The following UNC13C variants were observed in gnomAD, a reference collection of about 807,000 sequenced individuals.
The protein encoded by UNC13C is protein unc-13 homolog C.
A neutral mutation model predicts 245.4 loss-of-function variants in UNC13C; 174 were observed. That is an observed-to-expected ratio of 0.71 (90% CI 0.63 to 0.80). UNC13C has a LOEUF of 0.80. Among genes scored for constraint, UNC13C ranks in the 30% least tolerant of loss-of-function variants. UNC13C has a pLI of 0.00. For synonymous variants in UNC13C, 992 were observed against 895.1 expected (o/e 1.11, Z -1.93); for missense variants, 2,829 against 2,602.9 (o/e 1.09, Z -1.89).
At chr15:54,140,767 C>G (rs8032180) in intron 2 of UNC13C, among the ~76,000 whole-genome samples, 55,518 of 152,176 alleles carry the variant, frequency 0.36, 11,367 homozygotes, top group Non-Finnish European at 0.47. Flanking sequence ...GTGATGAGAT[C>G]GCATTTCACA....
chr15:54,300,548 G>A (rs563082855), intron 13 of UNC13C, among the ~76,000 whole-genome samples, 175 bp downstream of exon 13: 4 of 152,222 alleles, frequency 2.6e-5, no homozygotes, highest in South Asian at 2.1e-4. Flanking sequence ...TAATGACTTG[G>A]TAATTCACTA....
At chr15:53,926,101 A>G in the UNC13C span, among the ~76,000 whole-genome samples, 1 of 151,924 alleles carries the variant, frequency 6.6e-6, no homozygotes, top group Admixed American at 6.5e-5. Flanking sequence ...AAACAAGATG[A>G]TTTAGTTTTT....
chr15:53,964,403 T>G, the UNC13C span, among the ~76,000 whole-genome samples: 1 of 152,172 alleles, frequency 6.6e-6, no homozygotes, highest in Non-Finnish European at 1.5e-5. Context: ...AACACTATAT[T>G]TTTACAGCTA....
chr15:54,307,608 G>C (rs958194281), intron 13 of UNC13C, among the ~76,000 whole-genome samples: 1 of 151,930 alleles, frequency 6.6e-6, no homozygotes, highest in Non-Finnish European at 1.5e-5. Flanking sequence ...GGCTATAAGG[G>C]CATAGGTATA....
the UNC13C span, among the ~76,000 whole-genome samples, chr15:53,970,953 A>G: frequency 6.6e-6 from 1 of 152,130 alleles, no homozygotes; most frequent in African/African-American, 2.4e-5. Flanking sequence ...CATAGTAGCT[A>G]CACCATTTTT....
rs77840250 is a variant in UNC13C at position 54,284,153 on chromosome 15, G to A, written c.3819-9742G>A. ...TAAATTTTTAGAAAGAACACATATC[G>A]CCACTTAAATAAAAGTCAGATTTGG... On this transcript the variant is annotated intron_variant, in intron 10 of 32. Transcript: ENST00000260323. Among the ~76,000 whole-genome samples, 1,491 of 152,016 alleles carry A rather than the reference G, an allele frequency of 9.8e-3. 19 individuals are homozygous for A. The highest frequency in any genetic ancestry group is 0.034 in the African/African-American group (1,409 of 41,452).
rs982978111 is a variant in UNC13C, at chr15:54,628,219, A to AAAAC, written c.*1108_*1111dup. The AAAAC allele has an allele frequency of 2.7e-5, 4 of 150,410 alleles. No individual in the cohort carries two copies. Among genetic ancestry groups the AAAAC allele is most frequent in the East Asian group, 1.9e-4 (1 of 5,158 alleles). The allele number at this position is 150,410 out of a possible 1,614,324, so 9.3% of individuals were successfully genotyped here. A position where few individuals can be genotyped will look rare whatever the true frequency, so the allele number is the denominator to read the frequency against. On this transcript the variant is annotated 3_prime_UTR_variant, in exon 33 of 33. Coordinates refer to ENST00000260323, the MANE Select transcript of UNC13C (RefSeq NM_001080534.3). The stretch of plus-strand genomic sequence containing the variant: ...TATAGCTAAGTTGGTTTTTGAATAT[A>AAAAC]AAACAGTTTATGAATATGTGCATTT...
intron 17 of UNC13C, among the ~76,000 whole-genome samples, chr15:54,377,636 T>C (rs537787397): frequency 1.7e-4 from 26 of 152,330 alleles, no homozygotes; most frequent in African/African-American, 6.3e-4. Flanking sequence ...GCCAGGAAGT[T>C]CAAGATGAAG....
Position 54,015,157 on chromosome 15 carries a change from A to T in UNC13C, c.2254A>T (p.Asn752Tyr). Residue 752 changes from asparagine (N) to tyrosine (Y), a missense_variant, in exon 2 of 33, where the codon AAT becomes TAT. Physicochemically the swap from Asn to Tyr is moderately radical, Grantham distance 143. Coordinates refer to ENST00000260323, the MANE Select transcript of UNC13C (RefSeq NM_001080534.3). ...QGANSNELYQ[N>Y]QNQLSMMYRS... ...AGCTAATTCTAATGAGCTATACCAA[A>T]ATCAAAACCAGTTGTCCATGATGTA... 1 of 1,612,488 alleles carries T rather than the reference A, an allele frequency of 6.2e-7. No individual in the cohort carries two copies. Among genetic ancestry groups the T allele is most frequent in the Non-Finnish European group, 8.5e-7 (1 of 1,179,284 alleles).
At chr15:54,140,565 A>C (rs573878156) in intron 2 of UNC13C, among the ~76,000 whole-genome samples, 1 of 152,352 alleles carries the variant, frequency 6.6e-6, no homozygotes, top group Admixed American at 6.5e-5. Flanking sequence ...ACAAGTTTCC[A>C]GAAAGAGAGG....
intron 30 of UNC13C, among the ~76,000 whole-genome samples, chr15:54,616,090 C>T (rs1175257925): frequency 6.6e-6 from 1 of 151,994 alleles, no homozygotes; most frequent in Non-Finnish European, 1.5e-5. Flanking sequence ...AATTAACCAA[C>T]ATGGTGACTT....
chr15:54,372,059 G>T (rs572457844), intron 17 of UNC13C, among the ~76,000 whole-genome samples: 1 of 152,062 alleles, frequency 6.6e-6, no homozygotes, highest in East Asian at 1.9e-4. Flanking sequence ...ACAATATATT[G>T]TATATTTAAA....
intron 1 of UNC13C, among the ~76,000 whole-genome samples, chr15:53,987,001 C>G (rs1323968338): frequency 1.3e-5 from 2 of 152,090 alleles, no homozygotes; most frequent in Non-Finnish European, 2.9e-5. Context: ...TAGATATTTA[C>G]AGGTGAGGAT....
intron 24 of UNC13C, among the ~76,000 whole-genome samples, chr15:54,518,416 C>G (rs962238113): frequency 8.5e-5 from 13 of 152,062 alleles, no homozygotes; most frequent in African/African-American, 2.9e-4. Context: ...TTAAACTCAC[C>G]TCTCTCTGAA....
the UNC13C span, chr15:53,913,145 T>A: frequency 2.0e-5 from 3 of 152,224 alleles, no homozygotes; most frequent in Non-Finnish European, 4.4e-5. Context: ...TAATGTTATA[T>A]TCACTTCTGA....
Position 54,546,819 on chromosome 15 carries a change from G to T in UNC13C, c.5794G>T (p.Val1932Phe), listed in dbSNP as rs771705012. Residue 1932 changes from valine to phenylalanine, a missense_variant, in exon 27 of 33, where the codon GTT becomes TTT. Transcript: ENST00000260323. ...TCTCAACAAAATAGAAAAACAAATTGTTCTTCCTCCTCTGACAGATCAAAC... is the reference window on the plus strand; with the variant it reads ...TCTCAACAAAATAGAAAAACAAATTTTTCTTCCTCCTCTGACAGATCAAAC... ...LVLNKIEKQIVLPPLTDQTGP... is the reference protein window; with the variant it reads ...LVLNKIEKQIFLPPLTDQTGP... 5.7e-6 allele frequency: 9 copies of T among 1,581,502 alleles called. No homozygotes were observed. In the Admixed American group the frequency reaches 7.3e-5, roughly 13 times the overall value.
intron 2 of UNC13C, among the ~76,000 whole-genome samples, chr15:54,137,201 A>G (rs957821082): frequency 3.9e-5 from 6 of 152,140 alleles, no homozygotes; most frequent in Admixed American, 3.3e-4. Context: ...GATAAATTCC[A>G]TTTGATCATG....
chr15:54,496,611 GTAC>G, intron 20 of UNC13C, among the ~76,000 whole-genome samples: 1 of 151,608 alleles, frequency 6.6e-6, no homozygotes, highest in East Asian at 1.9e-4. Flanking sequence ...ATATATATAT[GTAC>G]ACCATGGAAT....
the UNC13C span, among the ~76,000 whole-genome samples, chr15:53,895,388 A>G: frequency 1.3e-5 from 2 of 150,526 alleles, no homozygotes; most frequent in African/African-American, 4.9e-5. Flanking sequence ...ATTTTGTGTC[A>G]TGTAATGGTC....
Sources: allele counts gnomAD v4.1 joint callset (sites outside exome capture counted in the v4.1 genomes callset), GRCh38; gene constraint gnomAD v4.1.1; transcripts MANE v1.5; gene names NCBI Gene and HGNC (gene_info 2026-07-23, HGNC 2026-07-21).